PPHLN1: variants seen among roughly 807,000 people sequenced by gnomAD.
PPHLN1 encodes periphilin-1.
A neutral mutation model predicts 51.3 loss-of-function variants in PPHLN1; 29 were observed. The observed-to-expected ratio is 0.57, with a 90% CI of 0.42 to 0.77. PPHLN1 has a LOEUF of 0.77. PPHLN1 is among the 30% of genes least tolerant of loss of function. PPHLN1 has a pLI of 0.00. For synonymous variants in PPHLN1, 147 were observed against 147.8 expected (o/e 0.99, Z 0.04); for missense variants, 436 against 438.4 (o/e 0.99, Z 0.05).
intron 7 of PPHLN1, among the ~76,000 whole-genome samples, chr12:42,391,813 A>G (rs1045212694): frequency 2.0e-5 from 3 of 152,210 alleles, no homozygotes; most frequent in African/African-American, 7.2e-5. Context: ...GCTGTAGAAT[A>G]TACTTCATAT....
At chr12:42,421,508 T>C (rs567607558) in intron 9 of PPHLN1, among the ~76,000 whole-genome samples, 3 of 152,140 alleles carry the variant, frequency 2.0e-5, no homozygotes, top group African/African-American at 7.2e-5. Context: ...CCACCATGCC[T>C]GGCTAATTTT....
At chr12:42,359,145 C>A (rs2074353664) in intron 4 of PPHLN1, 1 of 152,054 alleles carries the variant, frequency 6.6e-6, no homozygotes, top group Non-Finnish European at 1.5e-5. Context: ...CACAATGTTG[C>A]CTGTACTGTA....
At chr12:42,374,823 A>G (rs1225863639) in intron 4 of PPHLN1, 40 bp from the exon 5 acceptor site, 6 of 1,461,392 alleles carry the variant, frequency 4.1e-6, no homozygotes, top group Non-Finnish European at 5.6e-6. Flanking sequence ...TAGAGGATAG[A>G]GTATAATTAA....
intron 7 of PPHLN1, among the ~76,000 whole-genome samples, chr12:42,390,664 T>G (rs1376628811): frequency 6.9e-6 from 1 of 144,740 alleles, no homozygotes; most frequent in African/African-American, 2.7e-5. Flanking sequence ...CATTACGTGA[T>G]TTTTTCCTTT....
chr12:42,432,830 C>T (rs747426281), intron 9 of PPHLN1, among the ~76,000 whole-genome samples: 2 of 152,214 alleles, frequency 1.3e-5, no homozygotes, highest in Non-Finnish European at 2.9e-5. Context: ...CTCTTCATTT[C>T]TGGTCATAAG....
intron 5 of PPHLN1, among the ~76,000 whole-genome samples, chr12:42,383,894 G>A (rs1357863983): frequency 6.9e-6 from 1 of 145,656 alleles, no homozygotes; most frequent in Non-Finnish European, 1.5e-5. Context: ...TGAGCCAGGG[G>A]AATTGCTTGA....
chr12:42,335,819 C>A, intron 1 of PPHLN1, 64 bp from the exon 2 acceptor site: 1 of 763,562 alleles, frequency 1.3e-6, no homozygotes. Flanking sequence ...TAATCATTTA[C>A]TCCTTCCTTA....
downstream of PPHLN1, chr12:42,442,622 C>T (rs1194993579): frequency 1.2e-6 from 2 of 1,613,900 alleles, no homozygotes; most frequent in Non-Finnish European, 8.5e-7. Flanking sequence ...ATACTCCTTT[C>T]ATCCGGTCGC....
At chr12:42,329,251 A>G (rs911663531) in intron 1 of PPHLN1, among the ~76,000 whole-genome samples, 11 of 151,642 alleles carry the variant, frequency 7.3e-5, no homozygotes, top group South Asian at 2.1e-4. Context: ...ACAGGCGCCC[A>G]CCACCGCCCC....
At chr12:42,445,649 C>T (rs562139557), downstream of PPHLN1, 35 of 225,398 alleles carry the variant, frequency 1.6e-4, 1 homozygote, top group African/African-American at 6.6e-4. Context: ...ACACTTGGAG[C>T]GTCCAACATT....
chr12:42,404,408 A>G (rs971059963), intron 9 of PPHLN1, among the ~76,000 whole-genome samples: 1 of 152,132 alleles, frequency 6.6e-6, no homozygotes, highest in African/African-American at 2.4e-5. Context: ...GGGTGCCTAT[A>G]ATCCTCGCTA....
At chr12:42,355,091 T>C (rs1180610283) in intron 3 of PPHLN1, 70 bp from the exon 4 acceptor site, 3 of 1,383,916 alleles carry the variant, frequency 2.2e-6, no homozygotes, top group Non-Finnish European at 3.1e-6. Context: ...TTTCTGGTAG[T>C]ATTGTTAGAT....
chr12:42,414,117 A>G (rs952670250), intron 9 of PPHLN1, among the ~76,000 whole-genome samples: 35 of 151,750 alleles, frequency 2.3e-4, no homozygotes, highest in Non-Finnish European at 7.4e-5. Flanking sequence ...GCTCACTGCA[A>G]TCTCCGCCTC....
At chr12:42,356,469 A>G (rs2074060118) in intron 4 of PPHLN1, among the ~76,000 whole-genome samples, 1 of 152,218 alleles carries the variant, frequency 6.6e-6, no homozygotes, top group African/African-American at 2.4e-5. Context: ...GTGACCTGCC[A>G]TAGTAGTCAC....
At chr12:42,352,078 G>A (rs951389351) in intron 3 of PPHLN1, 29 bp downstream of exon 3, 1 of 1,391,184 alleles carries the variant, frequency 7.2e-7, no homozygotes, top group Non-Finnish European at 9.4e-7. Flanking sequence ...TGTACTAATT[G>A]TTATTTCTTA....
chr12:42,419,105 C>T (rs2080747569), intron 9 of PPHLN1, among the ~76,000 whole-genome samples: 1 of 152,122 alleles, frequency 6.6e-6, no homozygotes, highest in African/African-American at 2.4e-5. Flanking sequence ...TTACCTAGCA[C>T]CCCAAACTTA....
At chr12:42,342,217 T>G (rs1295368646) in intron 2 of PPHLN1, among the ~76,000 whole-genome samples, 1 of 151,856 alleles carries the variant, frequency 6.6e-6, no homozygotes, top group Admixed American at 6.6e-5. Context: ...TATCAAGTTT[T>G]GTGACAGAAT....
chr12:42,374,817 G>C lies in PPHLN1; in HGVS notation c.300-46G>C, dbSNP rs571365129. On this transcript the variant is annotated intron_variant, in intron 4 of 9. Transcript: ENST00000358314. ...TTTTGCCATTGTGCTTGTATATAGA[G>C]GATAGAGTATAATTAACTTATTTTA... The C allele has an allele frequency of 8.1e-5, 117 of 1,445,812 alleles. No individual in the cohort carries two copies. In the South Asian group the frequency reaches 1.3e-3, roughly 17 times the overall value. The allele number at this position is 1,445,812 out of a possible 1,614,324, so 89.6% of individuals were successfully genotyped here.
intron 9 of PPHLN1, among the ~76,000 whole-genome samples, chr12:42,418,758 A>G (rs2080708434): frequency 6.6e-6 from 1 of 152,140 alleles, no homozygotes; most frequent in Non-Finnish European, 1.5e-5. Context: ...ATAATAACTT[A>G]TCACAATTAT....
Sources: gnomAD v4.1 joint callset for allele counts (sites outside exome capture counted in the v4.1 genomes callset) on GRCh38, gnomAD v4.1.1 for gene constraint, MANE v1.5 for transcripts, NCBI Gene and HGNC (gene_info 2026-07-23, HGNC 2026-07-21) for gene names.